Variants in FCHSD2 observed in about 807,000 individuals in gnomAD.
FCHSD2 encodes the protein F-BAR and double SH3 domains protein 2.
Under a neutral mutation model 108.1 loss-of-function variants are expected in FCHSD2, and 38 were observed. That is an observed-to-expected ratio of 0.35 (90% CI 0.27 to 0.46). The LOEUF is 0.46. Ranked by LOEUF, FCHSD2 falls within the 20% of genes least tolerant of loss-of-function variation. FCHSD2 has a pLI of 1.00. For synonymous variants in FCHSD2, 279 were observed against 314.7 expected, an observed-to-expected ratio of 0.89 and a Z score of 1.20; for missense variants, 751 against 897.8, an observed-to-expected ratio of 0.84 and a Z score of 2.09.
intron 8 of FCHSD2, among the ~76,000 whole-genome samples, chr11:72,978,502 T>C (rs1452520757): frequency 1.3e-5 from 2 of 152,154 alleles, no homozygotes; most frequent in African/African-American, 4.8e-5. Context: ...CAAATGACTT[T>C]TATCCAAAAG....
chr11:72,915,887 T>TA (rs1855862992), intron 9 of FCHSD2, among the ~76,000 whole-genome samples: 1 of 151,982 alleles, frequency 6.6e-6, no homozygotes. Flanking sequence ...TATGCAGCCA[T>TA]AAAAAAGAAT....
intron 8 of FCHSD2, among the ~76,000 whole-genome samples, chr11:72,939,744 G>A (rs774703583): frequency 1.4e-5 from 2 of 146,964 alleles, no homozygotes; most frequent in African/African-American, 2.5e-5. Flanking sequence ...TCAGCCTCCC[G>A]AGCAGCTGGG....
chr11:72,984,016 A>G (rs1857264705), intron 8 of FCHSD2, 72 bp downstream of exon 8: 1 of 1,271,280 alleles, frequency 7.9e-7, no homozygotes, highest in African/African-American at 1.5e-5. Flanking sequence ...AATCCCATAA[A>G]CCCAACACCC....
At chr11:72,939,100 G>A (rs1856362230) in intron 8 of FCHSD2, among the ~76,000 whole-genome samples, 1 of 152,042 alleles carries the variant, frequency 6.6e-6, no homozygotes, top group African/African-American at 2.4e-5. Flanking sequence ...TTTAAGTACA[G>A]AGCCTATGAA....
chr11:73,021,728 T>C (rs749162889), intron 3 of FCHSD2, among the ~76,000 whole-genome samples: 3 of 151,886 alleles, frequency 2.0e-5, no homozygotes, highest in Non-Finnish European at 2.9e-5. Flanking sequence ...AAAAAAAAGC[T>C]CATTCATGAC....
At chr11:73,084,752 T>C (rs1336198086) in intron 2 of FCHSD2, among the ~76,000 whole-genome samples, 1 of 152,296 alleles carries the variant, frequency 6.6e-6, no homozygotes, top group East Asian at 1.9e-4. Flanking sequence ...TTAATGATGA[T>C]TGGCAGTATT....
intron 8 of FCHSD2, among the ~76,000 whole-genome samples, chr11:72,931,827 G>A (rs767779305): frequency 2.8e-4 from 43 of 152,092 alleles, no homozygotes; most frequent in Non-Finnish European, 5.0e-4. Flanking sequence ...CTGTCAAATA[G>A]AATTGCACAG....
At chr11:72,978,653 C>T (rs776525987) in intron 8 of FCHSD2, among the ~76,000 whole-genome samples, 2 of 152,048 alleles carry the variant, frequency 1.3e-5, no homozygotes, top group Non-Finnish European at 2.9e-5. Context: ...ATGATTGTGA[C>T]TGAGTTCTCA....
chr11:73,038,002 C>G (rs145761048), intron 3 of FCHSD2, among the ~76,000 whole-genome samples: 133 of 152,282 alleles, frequency 8.7e-4, no homozygotes, highest in African/African-American at 3.0e-3. Flanking sequence ...TGAAAAGATT[C>G]ACCAAGTCAA....
At chr11:73,095,303 A>ATTTATTTT (rs1377590036) in intron 2 of FCHSD2, among the ~76,000 whole-genome samples, 4 of 152,228 alleles carry the variant, frequency 2.6e-5, no homozygotes, top group Non-Finnish European at 4.4e-5. Flanking sequence ...CACACAGCAA[A>ATTTATTTT]TGTATTAAAG....
At chr11:73,134,155 C>A (rs1187314265) in intron 2 of FCHSD2, among the ~76,000 whole-genome samples, 1 of 151,622 alleles carries the variant, frequency 6.6e-6, no homozygotes, top group African/African-American at 2.4e-5. Flanking sequence ...TTTCTAGATA[C>A]AACAGTCTCT....
chr11:72,880,141 C>G (rs775759310), intron 12 of FCHSD2, among the ~76,000 whole-genome samples: 2 of 151,272 alleles, frequency 1.3e-5, no homozygotes, highest in African/African-American at 2.4e-5. Context: ...ATAAATTTAA[C>G]CAAGGAAGTG....
chr11:73,056,355 A>AT (rs1249225891), intron 3 of FCHSD2, among the ~76,000 whole-genome samples: 1 of 152,094 alleles, frequency 6.6e-6, no homozygotes, highest in African/African-American at 2.4e-5. Context: ...TACAGGAGTT[A>AT]TTTTTTACTG....
At chr11:72,873,741 T>C (rs879196820) in intron 12 of FCHSD2, among the ~76,000 whole-genome samples, 9 of 152,196 alleles carry the variant, frequency 5.9e-5, no homozygotes, top group Admixed American at 2.6e-4. Context: ...AGTTAGTTTG[T>C]ATATATGATG....
At chr11:72,993,540 A>G (rs1591466236) in intron 5 of FCHSD2, among the ~76,000 whole-genome samples, 2 of 151,180 alleles carry the variant, frequency 1.3e-5, no homozygotes, top group East Asian at 2.0e-4. Context: ...CTGGATTAAG[A>G]AAATGTGGCA....
chr11:72,837,434 T>C lies in FCHSD2; in HGVS notation c.*1357A>G, dbSNP rs1453630681. The C allele has an allele frequency of 2.6e-5, 4 of 151,120 alleles. No individual in the cohort carries two copies. The highest frequency in any genetic ancestry group is 4.9e-5 in the African/African-American group (2 of 41,042). 9.4% of individuals were successfully genotyped at this position (151,120 alleles called of 1,614,324 possible). On this transcript the variant is annotated 3_prime_UTR_variant, in exon 20 of 20. Transcript: ENST00000409418. Reference sequence around the variant, plus strand: ...TCAAAGCATAATACAACTTGTAGATTAAATTCTGCAAATTTGATTTCTTAA... The same window carrying C: ...TCAAAGCATAATACAACTTGTAGATCAAATTCTGCAAATTTGATTTCTTAA...
chr11:73,100,911 T>C (rs1254199755), intron 2 of FCHSD2, among the ~76,000 whole-genome samples: 1 of 152,098 alleles, frequency 6.6e-6, no homozygotes, highest in African/African-American at 2.4e-5. Flanking sequence ...CTTGAGAAAT[T>C]TGGCTTCTGT....
chr11:72,983,428 A>G (rs1857254027), intron 8 of FCHSD2, among the ~76,000 whole-genome samples: 1 of 152,162 alleles, frequency 6.6e-6, no homozygotes, highest in Non-Finnish European at 1.5e-5. Flanking sequence ...CGTGATCATC[A>G]CTGCACTCTA....
intron 11 of FCHSD2, 48 bp downstream of exon 11, chr11:72,889,781 G>T: frequency 1.9e-6 from 2 of 1,035,370 alleles, no homozygotes; most frequent in South Asian, 2.6e-5. Context: ...TAAACTGTTT[G>T]ACATTTGGCT....
Sources: allele counts gnomAD v4.1 joint callset (sites outside exome capture counted in the v4.1 genomes callset), GRCh38; gene constraint gnomAD v4.1.1; transcripts MANE v1.5; gene names NCBI Gene and HGNC (gene_info 2026-07-23, HGNC 2026-07-21).